The following CDK17 variants were observed in gnomAD, a reference collection of about 807,000 sequenced individuals.
The protein encoded by CDK17 is cyclin dependent kinase 17.
Under a neutral mutation model 77.6 loss-of-function variants are expected in CDK17, and 24 were observed. The ratio of observed to expected loss-of-function variants is 0.31; its 90% CI spans 0.22 to 0.44. The LOEUF (loss-of-function observed/expected upper bound fraction) is 0.44, where lower values mean the gene tolerates loss of function less well. Ranked by LOEUF, CDK17 falls within the 20% of genes least tolerant of loss-of-function variation. The pLI is 1.00. For synonymous variants in CDK17, 203 were observed against 210.4 expected (o/e 0.96, Z 0.30); for missense variants, 429 against 622.5 (o/e 0.69, Z 3.31).
intron 10 of CDK17, among the ~76,000 whole-genome samples, chr12:96,292,263 T>C (rs901933752): frequency 6.6e-6 from 1 of 152,082 alleles, no homozygotes; most frequent in African/African-American, 2.4e-5. Flanking sequence ...GAGTAATACT[T>C]GAAACACTCA....
Position 96,382,354 on chromosome 12 carries a change from A to AT in CDK17, c.-30+17631dup, listed in dbSNP as rs202002006. On this transcript the variant is annotated intron_variant, in intron 1 of 16. Coordinates refer to ENST00000261211, the MANE Select transcript of CDK17 (RefSeq NM_002595.5). ...AACAAGTTCCAAAACTGAATCAGTA[A>AT]TTAAAAAAAAAAAAAAAAATCCTAC... Among the ~76,000 whole-genome samples the AT allele has an allele frequency of 4.4e-3, 504 of 114,528 alleles. 2 individuals are homozygous for AT. The highest frequency in any genetic ancestry group is 0.017 in the African/African-American group (427 of 25,190). 75.1% of individuals were successfully genotyped at this position (114,528 alleles called of 152,430 possible).
At chr12:96,322,696 C>T (rs535957801) in intron 3 of CDK17, among the ~76,000 whole-genome samples, 3 of 152,218 alleles carry the variant, frequency 2.0e-5, no homozygotes, top group African/African-American at 7.2e-5. Flanking sequence ...AAAAAAATAA[C>T]GCCGGTGGCA....
At chr12:96,351,620 CTTAA>C (rs1173009560) in intron 1 of CDK17, among the ~76,000 whole-genome samples, 4 of 152,190 alleles carry the variant, frequency 2.6e-5, no homozygotes, top group African/African-American at 7.2e-5. Context: ...AAATTTCAAT[CTTAA>C]TTGTCGTTGA....
At chr12:96,388,465 A>C (rs1954012609) in intron 1 of CDK17, among the ~76,000 whole-genome samples, 1 of 152,216 alleles carries the variant, frequency 6.6e-6, no homozygotes, top group Admixed American at 6.5e-5. Flanking sequence ...TGCTACAGTT[A>C]CGCTCAAATC....
intron 15 of CDK17, 136 bp from the exon 16 acceptor site, chr12:96,281,021 T>A (rs1192333566): frequency 5.5e-6 from 4 of 721,804 alleles, no homozygotes; most frequent in Non-Finnish European, 8.6e-6. Context: ...CCTGCTGAAA[T>A]TTTTCCTTTT....
chr12:96,313,345 A>G lies in CDK17; in HGVS notation c.393T>C (p.Arg131=), dbSNP rs1439865033. 1.3e-6 allele frequency: 2 copies of G among 1,592,340 alleles called. No homozygotes were observed. Among genetic ancestry groups the G allele is most frequent in the African/African-American group, 2.7e-5 (2 of 73,666 alleles). ...CCTCCATTGAGATCCGTCTATGTAT[A>G]CGATTTCTGAGACAAACACCTGTAG... ...QSPTGVCLRN[R]IHRRISMEDL... The change falls in exon 4 of 17, where the codon CGT becomes CGC. Residue 131 remains arginine (R), a synonymous_variant. Transcript: ENST00000261211.
intron 3 of CDK17, among the ~76,000 whole-genome samples, chr12:96,315,681 C>A (rs1179464295): frequency 6.6e-6 from 1 of 152,014 alleles, no homozygotes; most frequent in African/African-American, 2.4e-5. Flanking sequence ...GCTAAATGTG[C>A]AAGAATGTAT....
intron 1 of CDK17, among the ~76,000 whole-genome samples, chr12:96,391,780 T>G (rs962578451): frequency 1.3e-5 from 2 of 152,220 alleles, no homozygotes; most frequent in Admixed American, 1.3e-4. Flanking sequence ...ACAGCTCACA[T>G]GCAATTAAAC....
chr12:96,387,621 T>G (rs1364789686), intron 1 of CDK17, among the ~76,000 whole-genome samples: 1 of 152,224 alleles, frequency 6.6e-6, no homozygotes, highest in South Asian at 2.1e-4. Context: ...GGGTAAACTT[T>G]ATAACCAGTT....
intron 1 of CDK17, among the ~76,000 whole-genome samples, chr12:96,390,708 CAAAAAAAAAA>C (rs71097285): frequency 2.3e-5 from 1 of 43,534 alleles, no homozygotes; most frequent in Non-Finnish European, 4.3e-5. Context: ...GACTCCATCT[CAAAAAAAAAA>C]AAAAAAAAAA....
chr12:96,315,151 C>A (rs1952693914), intron 3 of CDK17, among the ~76,000 whole-genome samples: 2 of 152,160 alleles, frequency 1.3e-5, no homozygotes, highest in South Asian at 2.1e-4. Context: ...TATAAAATAT[C>A]AATGTGTGAG....
chr12:96,386,295 T>C (rs1953973868), intron 1 of CDK17, among the ~76,000 whole-genome samples: 1 of 152,110 alleles, frequency 6.6e-6, no homozygotes, highest in South Asian at 2.1e-4. Context: ...TGCACCCAGG[T>C]AGAAAGTTTT....
intron 11 of CDK17, among the ~76,000 whole-genome samples, chr12:96,288,681 A>G (rs371286016): frequency 1.3e-5 from 2 of 152,322 alleles, no homozygotes; most frequent in South Asian, 4.1e-4. Context: ...TCTGAGTAGA[A>G]GAGTGTCAGG....
At chr12:96,315,693 G>C (rs1952703269) in intron 3 of CDK17, among the ~76,000 whole-genome samples, 1 of 152,090 alleles carries the variant, frequency 6.6e-6, no homozygotes, top group Non-Finnish European at 1.5e-5. Context: ...AGAATGTATT[G>C]GTAATACCTA....
At chr12:96,323,469 T>A (rs961136830) in intron 3 of CDK17, among the ~76,000 whole-genome samples, 3 of 150,240 alleles carry the variant, frequency 2.0e-5, no homozygotes, top group African/African-American at 4.9e-5. Context: ...TCAAAAAAAA[T>A]AAAAATAAAA....
intron 3 of CDK17, among the ~76,000 whole-genome samples, chr12:96,318,072 C>T (rs1157569424): frequency 6.6e-6 from 1 of 151,994 alleles, no homozygotes; most frequent in Non-Finnish European, 1.5e-5. Context: ...TGCAGACACA[C>T]ACATAGGCTC....
chr12:96,289,366 T>A (rs1175232855), intron 10 of CDK17, 79 bp from the exon 11 acceptor site: 1 of 1,478,362 alleles, frequency 6.8e-7, no homozygotes, highest in African/African-American at 1.4e-5. Context: ...CATGACTCCA[T>A]TCAAAGGGAT....
At chr12:96,317,157 A>G (rs1259452054) in intron 3 of CDK17, among the ~76,000 whole-genome samples, 3 of 149,412 alleles carry the variant, frequency 2.0e-5, no homozygotes, top group Admixed American at 1.3e-4. Flanking sequence ...CTACATGAAG[A>G]ATGCAGAAGC....
At chr12:96,327,670 C>T (rs1224078180) in intron 2 of CDK17, among the ~76,000 whole-genome samples, 2 of 152,010 alleles carry the variant, frequency 1.3e-5, no homozygotes, top group Non-Finnish European at 2.9e-5. Flanking sequence ...ACTTCATCCT[C>T]CCCACCATAG....
Sources: gnomAD v4.1 joint callset for allele counts (sites outside exome capture counted in the v4.1 genomes callset) on GRCh38, gnomAD v4.1.1 for gene constraint, MANE v1.5 for transcripts, NCBI Gene and HGNC (gene_info 2026-07-23, HGNC 2026-07-21) for gene names.